LRP1B: variants seen among roughly 807,000 people sequenced by gnomAD.
LRP1B encodes low-density lipoprotein receptor-related protein 1B.
Under a neutral mutation model 556.6 loss-of-function variants are expected in LRP1B, and 217 were observed. The observed-to-expected ratio is 0.39, with a 90% CI of 0.35 to 0.44. LRP1B has a LOEUF of 0.44. Among genes scored for constraint, LRP1B ranks in the 20% least tolerant of loss-of-function variants. The pLI, the probability that LRP1B is intolerant of heterozygous loss-of-function variation, is 1.00. For missense variants in LRP1B, 5,053 were observed against 5,620.8 expected, an observed-to-expected ratio of 0.90 and a Z score of 3.23; for synonymous variants, 2,047 against 1,865.8, an observed-to-expected ratio of 1.10 and a Z score of -2.50.
At chr2:140,291,318 A>ATATATATATATATATATTTTT (rs369391920) in intron 84 of LRP1B, among the ~76,000 whole-genome samples, 31 of 109,316 alleles carry the variant, frequency 2.8e-4, no homozygotes, top group Admixed American at 9.6e-4. Flanking sequence ...ATATATATAT[A>ATATATATATATATATATTTTT]TTTTTATTAT....
chr2:141,250,317 A>AT (rs532843640), intron 4 of LRP1B, among the ~76,000 whole-genome samples: 128 of 152,212 alleles, frequency 8.4e-4, no homozygotes, highest in South Asian at 2.9e-3. Context: ...CAAACAGTGG[A>AT]TTAGAGTGTG....
chr2:140,963,977 C>A (rs1211277077), intron 18 of LRP1B, among the ~76,000 whole-genome samples: 1 of 152,096 alleles, frequency 6.6e-6, no homozygotes, highest in Non-Finnish European at 1.5e-5. Flanking sequence ...CCACTACCAC[C>A]AATGCGCGGA....
At chr2:140,454,463 C>T (rs980236975) in intron 62 of LRP1B, among the ~76,000 whole-genome samples, 1 of 152,008 alleles carries the variant, frequency 6.6e-6, no homozygotes, top group Admixed American at 6.6e-5. Flanking sequence ...TTAACTTTTT[C>T]CTTGAAGATG....
intron 2 of LRP1B, among the ~76,000 whole-genome samples, chr2:141,655,955 C>A (rs1689991639): frequency 6.6e-6 from 1 of 152,212 alleles, no homozygotes; most frequent in South Asian, 2.1e-4. Flanking sequence ...TTCCATGGAA[C>A]TTACTGAGTG....
At chr2:142,126,020 T>C (rs1225655162) in intron 1 of LRP1B, among the ~76,000 whole-genome samples, 2 of 151,866 alleles carry the variant, frequency 1.3e-5, no homozygotes, top group East Asian at 1.9e-4. Flanking sequence ...GCATATATTC[T>C]GATTAATTCA....
chr2:141,886,302 G>GA (rs995760355), intron 1 of LRP1B, among the ~76,000 whole-genome samples: 27 of 151,540 alleles, frequency 1.8e-4, no homozygotes, highest in African/African-American at 6.3e-4. Context: ...TTTTTCTGCA[G>GA]AAAAAAAAGC....
In LRP1B at chr2:141,256,530, A is replaced by T. The variant is rs534397440; in HGVS notation, c.344-1889T>A. 7.2e-5 allele frequency among the ~76,000 whole-genome samples: 11 copies of T among 152,152 alleles called. No individual in the cohort carries two copies. In the South Asian group the frequency reaches 2.1e-3, roughly 29 times the overall value. ...ATTCTGACTTGTATTGTTCAAAAGT[A>T]CCTAACAGTAGAGAGAAAGATAGTA... On this transcript the variant is annotated intron_variant, in intron 3 of 90. Coordinates refer to ENST00000389484, the MANE Select transcript of LRP1B (RefSeq NM_018557.3).
rs57960872 is a variant in LRP1B, at chr2:141,323,995, T to TCACACACA, written c.344-69362_344-69355dup. On this transcript the variant is annotated intron_variant, in intron 3 of 90. Coordinates refer to ENST00000389484, the MANE Select transcript of LRP1B (RefSeq NM_018557.3). ...GTACTCACATACCTGAGCAAGGAAATCACACACACACACACACACCTGAAC... is the reference window on the plus strand; with the variant it reads ...GTACTCACATACCTGAGCAAGGAAATCACACACACACACACACACACACACACCTGAAC... Among the ~76,000 whole-genome samples the TCACACACA allele has an allele frequency of 5.4e-4, 58 of 107,338 alleles. 1 individual carries two copies. In the South Asian group the frequency reaches 6.6e-3, roughly 12 times the overall value. The allele number at this position is 107,338 out of a possible 152,430, so 70.4% of individuals were successfully genotyped here. A position where few individuals can be genotyped will look rare whatever the true frequency, so the allele number is the denominator to read the frequency against.
chr2:141,698,838 C>T (rs975931510), intron 2 of LRP1B, among the ~76,000 whole-genome samples: 13 of 151,710 alleles, frequency 8.6e-5, no homozygotes, highest in African/African-American at 3.1e-4. Flanking sequence ...GATTTCTGCC[C>T]CTGCCCCACT....
chr2:140,613,737 T>C (rs1306842804), intron 41 of LRP1B, among the ~76,000 whole-genome samples: 1 of 152,014 alleles, frequency 6.6e-6, no homozygotes, highest in Non-Finnish European at 1.5e-5. Context: ...CACATCCATA[T>C]GATGACCCTA....
At chr2:141,311,588 G>C (rs1001908424) in intron 3 of LRP1B, among the ~76,000 whole-genome samples, 1 of 152,158 alleles carries the variant, frequency 6.6e-6, no homozygotes, top group Non-Finnish European at 1.5e-5. Flanking sequence ...TATTTGAGAG[G>C]TAATAGAGGT....
chr2:140,972,737 A>G (rs1043562154), intron 18 of LRP1B, among the ~76,000 whole-genome samples: 2 of 112,924 alleles, frequency 1.8e-5, no homozygotes, highest in Admixed American at 9.6e-5. Context: ...GTCAGTATTT[A>G]TAATGATAAT....
At chr2:140,762,646 T>C (rs1329446605) in intron 35 of LRP1B, among the ~76,000 whole-genome samples, 11 of 152,078 alleles carry the variant, frequency 7.2e-5, no homozygotes, top group Non-Finnish European at 1.6e-4. Context: ...TTGAAAATGA[T>C]CCACTTACTA....
intron 2 of LRP1B, among the ~76,000 whole-genome samples, chr2:141,721,953 T>G (rs1692832393): frequency 6.6e-6 from 1 of 152,218 alleles, no homozygotes; most frequent in Admixed American, 6.5e-5. Context: ...CCATAGAATC[T>G]GTTTCTGTGG....
chr2:140,490,800 C>T (rs1204802859), intron 57 of LRP1B, among the ~76,000 whole-genome samples: 1 of 152,056 alleles, frequency 6.6e-6, no homozygotes. Flanking sequence ...TCTCTATTTC[C>T]TTACTCAATG....
At chr2:141,263,069 TG>T (rs1336115827) in intron 3 of LRP1B, among the ~76,000 whole-genome samples, 1 of 151,938 alleles carries the variant, frequency 6.6e-6, no homozygotes, top group African/African-American at 2.4e-5. Flanking sequence ...AAATTTTTCA[TG>T]AGTTCCCTGC....
chr2:140,233,153 T>A lies in LRP1B; in HGVS notation c.*33A>T, dbSNP rs1680541231. 7.2e-7 allele frequency: 1 copy of A among 1,385,508 alleles called. No individual in the cohort carries two copies. Among genetic ancestry groups the A allele is most frequent in the Non-Finnish European group, 9.9e-7 (1 of 1,008,080 alleles). The allele number at this position is 1,385,508 out of a possible 1,614,324, so 85.8% of individuals were successfully genotyped here. ...ATACAAAAGTAATCCTTATATTTTA[T>A]ACATTTATACAGCATATAAAAGATA... is the stretch of plus-strand genomic sequence containing the variant. On this transcript the variant is annotated 3_prime_UTR_variant, in exon 91 of 91. Transcript: ENST00000389484.
chr2:141,948,454 A>G (rs1701017056), intron 1 of LRP1B, among the ~76,000 whole-genome samples: 1 of 152,070 alleles, frequency 6.6e-6, no homozygotes, highest in Non-Finnish European at 1.5e-5. Flanking sequence ...ATGCCAGACC[A>G]AGATACTTTC....
chr2:140,906,027 T>C (rs929104967), intron 22 of LRP1B, among the ~76,000 whole-genome samples: 6 of 152,188 alleles, frequency 3.9e-5, no homozygotes, highest in African/African-American at 1.4e-4. Flanking sequence ...TACATTGCTA[T>C]AACCATAGAA....
Sources: gnomAD v4.1 joint callset for allele counts (sites outside exome capture counted in the v4.1 genomes callset) on GRCh38, gnomAD v4.1.1 for gene constraint, MANE v1.5 for transcripts, NCBI Gene and HGNC (gene_info 2026-07-23, HGNC 2026-07-21) for gene names.